FAM120B: variants seen among roughly 807,000 people sequenced by gnomAD.
The protein encoded by FAM120B is constitutive coactivator of peroxisome proliferator-activated receptor gamma.
In FAM120B, 83 loss-of-function variants were observed where a neutral mutation model predicts 96.3. The ratio of observed to expected loss-of-function variants is 0.86; its 90% CI spans 0.72 to 1.03. FAM120B has a LOEUF of 1.03. Among genes scored for constraint, FAM120B ranks in the 50% least tolerant of loss-of-function variants. FAM120B has a pLI of 0.00. For missense variants in FAM120B, 1,027 were observed against 1,121.2 expected (o/e 0.92, Z 1.20); for synonymous variants, 407 against 402.7 (o/e 1.01, Z -0.13).
upstream of FAM120B, chr6:170,290,896 G>A (rs2114968829): frequency 1.6e-5 from 11 of 691,818 alleles, no homozygotes; most frequent in Non-Finnish European, 1.3e-5. The surrounding 1 kb of genome is among the most constrained non-coding windows in gnomAD (Gnocchi z 4.7). Flanking sequence ...CCCTCGGCCG[G>A]GTCGGGTCTC....
upstream of FAM120B, among the ~76,000 whole-genome samples, chr6:170,303,412 A>T (rs1784184387): frequency 3.9e-5 from 6 of 152,012 alleles, no homozygotes; most frequent in South Asian, 1.2e-3. Context: ...GCCAATTTTT[A>T]AAAATGTTTT....
chr6:170,350,670 A>G (rs568525950), intron 5 of FAM120B, among the ~76,000 whole-genome samples: 29 of 152,352 alleles, frequency 1.9e-4, no homozygotes, highest in African/African-American at 7.0e-4. Context: ...CATCTGGAGT[A>G]GACCGCCAGC....
chr6:170,361,216 A>ATACGTG (rs1554286417), intron 6 of FAM120B, among the ~76,000 whole-genome samples: 1 of 106,862 alleles, frequency 9.4e-6, no homozygotes, highest in Non-Finnish European at 1.8e-5. Flanking sequence ...ATATATATAT[A>ATACGTG]TATATATATA....
At chr6:170,335,334 TG>T (rs1336490028) in intron 4 of FAM120B, among the ~76,000 whole-genome samples, 1 of 152,182 alleles carries the variant, frequency 6.6e-6, no homozygotes, top group Non-Finnish European at 1.5e-5. Context: ...TGTGTTAGTT[TG>T]CTGAGAATTA....
intron 1 of FAM120B, among the ~76,000 whole-genome samples, chr6:170,297,482 G>A (rs1388665721): frequency 3.3e-5 from 5 of 152,210 alleles, no homozygotes; most frequent in Non-Finnish European, 7.3e-5. Context: ...GTACTCCCCA[G>A]AGCACCGGGC....
intron 8 of FAM120B, among the ~76,000 whole-genome samples, chr6:170,394,870 T>G (rs1244294396): frequency 1.3e-5 from 2 of 152,262 alleles, no homozygotes; most frequent in Non-Finnish European, 1.5e-5. Context: ...ATGCTTCCAG[T>G]GCACCTGTGG....
rs1235307506 is a variant in FAM120B, at chr6:170,406,633, C to T, written c.*1882C>T. The T allele has an allele frequency of 6.6e-6, 1 of 152,184 alleles. No individual in the cohort carries two copies. Among genetic ancestry groups the T allele is most frequent in the Non-Finnish European group, 1.5e-5 (1 of 68,022 alleles). 9.4% of individuals were successfully genotyped at this position (152,184 alleles called of 1,614,324 possible). A position where few individuals can be genotyped will look rare whatever the true frequency, so the allele number is the denominator to read the frequency against. Reference sequence around the variant, plus strand: ...TTTCGTGCAAGTCTTGTAGGACCCACATGTTTTCCTAGCTTTGGAAATCGA... The same window carrying T: ...TTTCGTGCAAGTCTTGTAGGACCCATATGTTTTCCTAGCTTTGGAAATCGA... On this transcript the variant is annotated 3_prime_UTR_variant, in exon 11 of 11. Transcript: ENST00000476287.
intron 3 of FAM120B, among the ~76,000 whole-genome samples, chr6:170,326,182 A>G (rs1785579785): frequency 6.6e-6 from 1 of 152,156 alleles, no homozygotes. Flanking sequence ...CTGTGGTGTA[A>G]TATCAAAGCC....
chr6:170,298,532 T>G (rs1277713202), intron 1 of FAM120B, among the ~76,000 whole-genome samples: 2 of 152,060 alleles, frequency 1.3e-5, no homozygotes, highest in African/African-American at 2.4e-5. Flanking sequence ...TTTTTTTTTT[T>G]TTGTTCCTTT....
At chr6:170,345,775 GGAGT>G (rs999182013) in intron 4 of FAM120B, among the ~76,000 whole-genome samples, 176 of 152,306 alleles carry the variant, frequency 1.2e-3, no homozygotes, top group African/African-American at 4.0e-3. Context: ...GAACCTGTAG[GGAGT>G]GAGTAAGAGA....
chr6:170,298,006 C>T (rs1784056636), intron 1 of FAM120B: 1 of 152,184 alleles, frequency 6.6e-6, no homozygotes, highest in African/African-American at 2.4e-5. Flanking sequence ...TGTTGCATGA[C>T]TCTTTTATCT....
At chr6:170,319,197 A>C in intron 2 of FAM120B, 73 bp downstream of exon 2, 1 of 1,414,226 alleles carries the variant, frequency 7.1e-7, no homozygotes, top group African/African-American at 1.4e-5. Context: ...GTGAAGATCC[A>C]TTACTGCCTC....
At chr6:170,361,235 T>A (rs866872505) in intron 6 of FAM120B, among the ~76,000 whole-genome samples, 1 of 90,050 alleles carries the variant, frequency 1.1e-5, no homozygotes, top group African/African-American at 3.6e-5. Flanking sequence ...TATATATATA[T>A]ACACGTATAT....
intron 7 of FAM120B, among the ~76,000 whole-genome samples, chr6:170,389,565 CT>C (rs1233776353): frequency 3.6e-4 from 53 of 148,266 alleles, no homozygotes; most frequent in Admixed American, 5.4e-4. Flanking sequence ...AATACACATA[CT>C]TTTTTTTTTT....
At chr6:170,349,517 G>A (rs906465525) in intron 5 of FAM120B, among the ~76,000 whole-genome samples, 1 of 152,168 alleles carries the variant, frequency 6.6e-6, no homozygotes, top group Non-Finnish European at 1.5e-5. Flanking sequence ...TTTGCATTTT[G>A]TAAGATGTGA....
At chr6:170,381,688 A>G (rs1583297024) in intron 6 of FAM120B, among the ~76,000 whole-genome samples, 1 of 152,218 alleles carries the variant, frequency 6.6e-6, no homozygotes, top group South Asian at 2.1e-4. Flanking sequence ...TGGCTGGTTT[A>G]GTACTTAAAA....
chr6:170,360,282 A>G (rs1332729294), intron 6 of FAM120B, among the ~76,000 whole-genome samples: 1 of 152,202 alleles, frequency 6.6e-6, no homozygotes, highest in Non-Finnish European at 1.5e-5. Flanking sequence ...GTGTCCTCTC[A>G]TTTGTAAAAT....
At chr6:170,345,669 A>G (rs759823089) in intron 4 of FAM120B, among the ~76,000 whole-genome samples, 10 of 152,232 alleles carry the variant, frequency 6.6e-5, no homozygotes, top group Admixed American at 5.2e-4. Context: ...TTGGTAAACA[A>G]TTGATGGATC....
intron 5 of FAM120B, among the ~76,000 whole-genome samples, chr6:170,348,639 C>T (rs1265300564): frequency 6.6e-6 from 1 of 152,108 alleles, no homozygotes; most frequent in African/African-American, 2.4e-5. Flanking sequence ...CCTCTGTCCT[C>T]GTGGCATTGT....
Sources: allele counts gnomAD v4.1 joint callset (sites outside exome capture counted in the v4.1 genomes callset), GRCh38; gene constraint gnomAD v4.1.1; non-coding constraint Gnocchi (gnomAD v3.1); transcripts MANE v1.5; gene names NCBI Gene and HGNC (gene_info 2026-07-23, HGNC 2026-07-21).